Variants in SEC31A observed in about 807,000 individuals in gnomAD.
SEC31A encodes the protein SEC31 homolog A, COPII component.
Under a neutral mutation model 151.0 loss-of-function variants are expected in SEC31A, and 70 were observed. The ratio of observed to expected loss-of-function variants is 0.46; its 90% CI spans 0.38 to 0.57. The LOEUF is 0.57. Ranked by LOEUF, SEC31A falls within the 20% of genes least tolerant of loss-of-function variation. SEC31A has a pLI of 0.00. For synonymous variants in SEC31A, 475 were observed against 505.9 expected (o/e 0.94, Z 0.82); for missense variants, 1,330 against 1,471.2 (o/e 0.90, Z 1.57).
intron 21 of SEC31A, among the ~76,000 whole-genome samples, chr4:82,843,233 C>T (rs557299891): frequency 2.6e-5 from 4 of 151,726 alleles, no homozygotes; most frequent in South Asian, 2.1e-4. Context: ...TGTGCTCAAG[C>T]GATTCTCCTG....
Position 82,844,370 on chromosome 4 carries a change from G to A in SEC31A, c.2626+16C>T, listed in dbSNP as rs751754096. 6 of 1,610,754 alleles carry A rather than the reference G, an allele frequency of 3.7e-6. No homozygotes were observed. The South Asian group carries it at 6.6e-5, about 18-fold the overall frequency. On this transcript the variant is annotated intron_variant, in intron 21 of 26. Transcript: ENST00000395310. ...TAAATACTGCTCTGAAAGGACTTTGGGGTCACACTACTTACGCTGTGGCTG... is the reference window on the plus strand; with the variant it reads ...TAAATACTGCTCTGAAAGGACTTTGAGGTCACACTACTTACGCTGTGGCTG...
rs764214478 is a variant in SEC31A at position 82,878,796 on chromosome 4, T to C, written c.336A>G (p.Glu112=). The C allele has an allele frequency of 7.4e-5, 119 of 1,614,004 alleles. No homozygotes were observed. The highest frequency in any genetic ancestry group is 1.0e-4 in the Non-Finnish European group (119 of 1,180,000). The stretch of plus-strand genomic sequence containing the variant: ...GCTTGTCATTCTGGGCAATCACAAC[T>C]TCCTTGTCTCCAGCTATAATTTTAG... ...DPSKIIAGDK[E]VVIAQNDKHT... is the part of the protein sequence containing the mutation. Residue 112 remains glutamate (E), a synonymous_variant, in exon 4 of 27, where the codon GAA becomes GAG. Coordinates refer to ENST00000395310, the MANE Select transcript of SEC31A (RefSeq NM_001077207.4).
intron 14 of SEC31A, among the ~76,000 whole-genome samples, chr4:82,861,118 ACT>A (rs2149475349): frequency 1.3e-5 from 2 of 151,948 alleles, no homozygotes; most frequent in African/African-American, 4.8e-5. Flanking sequence ...TAATGATGTA[ACT>A]CTGTGTTCAA....
In SEC31A at chr4:82,857,200, C is replaced by T. The variant is rs541337604; in HGVS notation, c.1703-70G>A. On this transcript the variant is annotated intron_variant, in intron 15 of 26. Coordinates refer to ENST00000395310, the MANE Select transcript of SEC31A (RefSeq NM_001077207.4). The stretch of plus-strand genomic sequence containing the variant: ...TACCAAAACCAACAACAAAGTACTA[C>T]ATCTATCAATTTTTATATATATACA... 3.5e-4 allele frequency: 463 copies of T among 1,311,388 alleles called. 1 individual carries two copies. Among genetic ancestry groups the T allele is most frequent in the Non-Finnish European group, 4.7e-4 (442 of 940,716 alleles). 81.2% of individuals were successfully genotyped at this position (1,311,388 alleles called of 1,614,324 possible).
rs370643640 is a variant in SEC31A at position 82,872,086 on chromosome 4, T to C, written c.640A>G (p.Met214Val). Residue 214 changes from methionine to valine, a missense_variant and splice_region_variant, in exon 7 of 27, where the codon ATG becomes GTG. Coordinates refer to ENST00000395310, the MANE Select transcript of SEC31A (RefSeq NM_001077207.4). ...TGCCATGCCAACCCAGAACAATGCA[T>C]CTGAAGATAGTTAAGGTTCACATTT... ...IIKVSDHSNR[M>V]HCSGLAWHPD... The C allele has an allele frequency of 1.9e-5, 30 of 1,612,382 alleles. No individual in the cohort carries two copies. Among genetic ancestry groups the C allele is most frequent in the Non-Finnish European group, 2.4e-5 (28 of 1,178,632 alleles).
In SEC31A at chr4:82,863,359, G is replaced by T; in HGVS notation, c.1468C>A (p.Leu490Ile). The stretch of plus-strand genomic sequence containing the variant: ...TCTTTTCTGTATCCTAGAAGTTCAA[G>T]GTATTTTCCACGAGAATCATCCTCA... ...NFEDDSRGKY[L>I]ELLGYRKEDL... The change falls in exon 12 of 27, where the codon CTT becomes ATT. Residue 490 changes from leucine (L) to isoleucine (I), a missense_variant. Physicochemically the swap from Leu to Ile is conservative, Grantham distance 5 (BLOSUM62 2). Coordinates refer to ENST00000395310, the MANE Select transcript of SEC31A (RefSeq NM_001077207.4). The T allele has an allele frequency of 6.3e-7, 1 of 1,578,152 alleles. No individual in the cohort carries two copies. The highest frequency in any genetic ancestry group is 8.6e-7 in the Non-Finnish European group (1 of 1,167,766).
chr4:82,842,341 A>G lies in SEC31A; in HGVS notation c.2767T>C (p.Ser923Pro), dbSNP rs775191499. The change falls in exon 22 of 27, where the codon TCT (serine) becomes CCT (proline). Residue 923 changes from serine (S) to proline (P), a missense_variant. By Grantham distance (74) the Ser-to-Pro change is moderately conservative. Coordinates refer to ENST00000395310, the MANE Select transcript of SEC31A (RefSeq NM_001077207.4). ...ISSASSYTGQSQLYAAQHQAS... is the reference protein window; with the variant it reads ...ISSASSYTGQPQLYAAQHQAS... ...TGGTGCTGTGCTGCGTACAGCTGAG[A>G]CTGCCCAGTATAGGAAGAAGCAGAA... 2 of 1,613,686 alleles carry G rather than the reference A, an allele frequency of 1.2e-6. No individual in the cohort carries two copies. Among genetic ancestry groups the G allele is most frequent in the South Asian group, 2.2e-5 (2 of 91,010 alleles).
chr4:82,857,940 C>T (rs755241288), intron 14 of SEC31A, 176 bp from the exon 15 acceptor site: 171 of 478,166 alleles, frequency 3.6e-4, no homozygotes, highest in Middle Eastern at 3.0e-3. Flanking sequence ...TAAATATTAC[C>T]TCCCATTATA....
rs1461754051 is a variant in SEC31A at position 82,827,405 on chromosome 4, T to G, written c.3255A>C (p.Glu1085Asp). 2 of 1,614,200 alleles carry G rather than the reference T, an allele frequency of 1.2e-6. No homozygotes were observed. The highest frequency in any genetic ancestry group is 3.3e-5 in the Admixed American group (2 of 60,018). ...TTCCAATAGGAGCCCCTGGGGCACC[T>G]TCAATATTGGGCTTTGAAAAAGATG... ...MPPSFSKPNI[E>D]GAPGAPIGNT... The change falls in exon 24 of 27, where the codon GAA (glutamate) becomes GAC (aspartate). Residue 1085 changes from glutamate (E) to aspartate (D), a missense_variant. Glu to Asp is a conservative substitution (Grantham distance 45). Transcript: ENST00000395310.
rs930118250 is a variant in SEC31A at position 82,864,282 on chromosome 4, T to C, written c.1434+80A>G. 3.1e-6 allele frequency: 3 copies of C among 975,054 alleles called. No homozygotes were observed. In the African/African-American group the frequency reaches 4.9e-5, roughly 16 times the overall value. 60.4% of individuals were successfully genotyped at this position (975,054 alleles called of 1,614,324 possible). A position where few individuals can be genotyped will look rare whatever the true frequency, so the allele number is the denominator to read the frequency against. On this transcript the variant is annotated intron_variant, in intron 11 of 26. Transcript: ENST00000395310. ...CACACTTTTTCAATTGTTTCTTTAATAGGAGGACAGATTTAGAATATAAAG... is the reference window on the plus strand; with the variant it reads ...CACACTTTTTCAATTGTTTCTTTAACAGGAGGACAGATTTAGAATATAAAG...
chr4:82,874,818 T>C (rs974007461), intron 5 of SEC31A, 67 bp from the exon 6 acceptor site: 17 of 1,545,048 alleles, frequency 1.1e-5, no homozygotes, highest in East Asian at 9.1e-5. Flanking sequence ...AACTGTAAAA[T>C]TGGATCCTTC....
In SEC31A at chr4:82,871,632, TG is replaced by T; in HGVS notation, c.782+311del. ...CTCTACTAAAACTATGAAAATTAGC[TG>T]GGCGTGGTGGCGCATGCATGTAATC... On this transcript the variant is annotated intron_variant, in intron 7 of 26. Coordinates refer to ENST00000395310, the MANE Select transcript of SEC31A (RefSeq NM_001077207.4). 5.6e-6 allele frequency: 3 copies of T among 540,530 alleles called. No individual in the cohort carries two copies. In the South Asian group the frequency reaches 7.5e-5, roughly 14 times the overall value. 33.5% of individuals were successfully genotyped at this position (540,530 alleles called of 1,614,324 possible).
chr4:82,889,226 C>A (rs1741667841), intron 1 of SEC31A, among the ~76,000 whole-genome samples: 2 of 152,130 alleles, frequency 1.3e-5, no homozygotes, highest in Admixed American at 1.3e-4. Context: ...TAATGACATT[C>A]CTAACAACAA....
At chr4:82,879,950 C>T (rs11099555) in intron 3 of SEC31A, among the ~76,000 whole-genome samples, 151,888 of 152,332 alleles carry the variant, frequency 1, 75,722 homozygotes, top group Middle Eastern at 1. Flanking sequence ...TTAATACTTA[C>T]GATGACTACT....
intron 20 of SEC31A, 147 bp downstream of exon 20, chr4:82,848,657 T>C (rs1730765706): frequency 3.3e-6 from 2 of 598,932 alleles, no homozygotes; most frequent in East Asian, 6.5e-5. Flanking sequence ...CAAATACAAC[T>C]TCAAGATTCT....
At position 82,842,501 on chromosome 4, in the gene SEC31A, C is replaced by G; in HGVS notation, c.2627-20G>C. 2.6e-6 allele frequency: 4 copies of G among 1,557,974 alleles called. No individual in the cohort carries two copies. In the South Asian group the frequency reaches 4.7e-5, roughly 18 times the overall value. On this transcript the variant is annotated intron_variant, in intron 21 of 26. Coordinates refer to ENST00000395310, the MANE Select transcript of SEC31A (RefSeq NM_001077207.4). The stretch of plus-strand genomic sequence containing the variant: ...GATAAGCTACACCAAGGAGAAGAAA[C>G]AGAAATTTCAATTAGTTACAAGTTT...
At chr4:82,827,954 G>A (rs1363784146) in intron 23 of SEC31A, among the ~76,000 whole-genome samples, 10 of 149,240 alleles carry the variant, frequency 6.7e-5, no homozygotes, top group South Asian at 4.2e-4. Context: ...CCGCTCTGTC[G>A]CCCAGGCTGA....
rs922087192 is a variant in SEC31A, at chr4:82,849,257, T to C, written c.2329-280A>G. Reference sequence around the variant, plus strand: ...TACTATGCAAGACCAATATCACTTATTACTACTCTTTTGATGTTTTCTTGT... The same window carrying C: ...TACTATGCAAGACCAATATCACTTACTACTACTCTTTTGATGTTTTCTTGT... On this transcript the variant is annotated intron_variant, in intron 19 of 26. Transcript: ENST00000395310. Among the ~76,000 whole-genome samples, 10 of 152,184 alleles carry C rather than the reference T, an allele frequency of 6.6e-5. 1 individual carries two copies. The highest frequency in any genetic ancestry group is 1.5e-4 in the Non-Finnish European group (10 of 68,020).
chr4:82,821,083 G>T lies in SEC31A; in HGVS notation c.3437C>A (p.Ala1146Asp). ...DPQTKRKLDD[A>D]SKRLEFLYDK... is the part of the protein sequence containing the mutation. ...ATACAGAAACTCCAAACGTTTGCTG[G>T]CATCATCTAGCTTCCTCTTGGTTTG... Residue 1146 changes from alanine (A) to aspartate (D), a missense_variant, in exon 26 of 27, where the codon GCC (alanine) becomes GAC (aspartate). Transcript: ENST00000395310. The T allele has an allele frequency of 6.2e-7, 1 of 1,613,818 alleles. No homozygotes were observed. The highest frequency in any genetic ancestry group is 8.5e-7 in the Non-Finnish European group (1 of 1,179,830).
Sources: gnomAD v4.1 joint callset for allele counts (sites outside exome capture counted in the v4.1 genomes callset) on GRCh38, gnomAD v4.1.1 for gene constraint, MANE v1.5 for transcripts, NCBI Gene and HGNC (gene_info 2026-07-23, HGNC 2026-07-21) for gene names.